Variants in FAM135B observed in about 807,000 individuals in gnomAD.
The protein encoded by FAM135B is family with sequence similarity 135 member B, also known as protein FAM135B.
FAM135B carries 43 observed loss-of-function variants against 127.7 expected under a neutral mutation model. The ratio of observed to expected loss-of-function variants is 0.34; its 90% CI spans 0.26 to 0.43. The LOEUF (loss-of-function observed/expected upper bound fraction) is 0.43, where lower values mean the gene tolerates loss of function less well. Ranked by LOEUF, FAM135B falls within the 20% of genes least tolerant of loss-of-function variation. The probability of loss-of-function intolerance (pLI) is 1.00; values close to 1 mark genes in which losing one functional copy is unlikely to be tolerated. For synonymous variants in FAM135B, 670 were observed against 665.1 expected, an observed-to-expected ratio of 1.01 and a Z score of -0.11; for missense variants, 1,558 against 1,725.6, an observed-to-expected ratio of 0.90 and a Z score of 1.72.
chr8:138,157,706 A>G (rs1818906442), intron 12 of FAM135B, among the ~76,000 whole-genome samples: 1 of 152,200 alleles, frequency 6.6e-6, no homozygotes, highest in South Asian at 2.1e-4. Context: ...AATTGCTTCA[A>G]AGAGAATAAA....
intron 7 of FAM135B, among the ~76,000 whole-genome samples, chr8:138,239,654 T>A (rs1820575907): frequency 6.6e-6 from 1 of 152,204 alleles, no homozygotes; most frequent in African/African-American, 2.4e-5. Context: ...ACTGGGTATA[T>A]ACCCAAAGGA....
intron 2 of FAM135B, among the ~76,000 whole-genome samples, chr8:138,353,728 G>A (rs1829916319): frequency 6.6e-6 from 1 of 152,012 alleles, no homozygotes; most frequent in South Asian, 2.1e-4. Flanking sequence ...GTCTATGGAT[G>A]GCATCAAGTG....
intron 1 of FAM135B, among the ~76,000 whole-genome samples, chr8:138,404,126 G>A (rs569731254): frequency 1.7e-4 from 26 of 151,986 alleles, no homozygotes; most frequent in African/African-American, 6.3e-4. Flanking sequence ...CCACAATAAA[G>A]CAAATATCAC....
chr8:138,300,744 CTTTTTTTTTTTTT>C (rs34292545), intron 3 of FAM135B, among the ~76,000 whole-genome samples: 1 of 100,492 alleles, frequency 1.0e-5, no homozygotes, highest in Non-Finnish European at 2.0e-5. Flanking sequence ...ATTTTATCCA[CTTTTTTTTTTTTT>C]TTTTTTTTTT....
chr8:138,190,107 C>A (rs1472851085), intron 9 of FAM135B, among the ~76,000 whole-genome samples: 1 of 152,162 alleles, frequency 6.6e-6, no homozygotes, highest in Non-Finnish European at 1.5e-5. Flanking sequence ...TTCATACCTT[C>A]GTACTTTAAT....
intron 1 of FAM135B, among the ~76,000 whole-genome samples, chr8:138,485,913 C>T (rs1258156074): frequency 1.3e-5 from 2 of 151,974 alleles, no homozygotes; most frequent in African/African-American, 2.4e-5. Context: ...GAGTGTGTGG[C>T]TAAGGGGAGT....
chr8:138,436,181 C>A (rs1228410382), intron 1 of FAM135B, among the ~76,000 whole-genome samples: 1 of 152,154 alleles, frequency 6.6e-6, no homozygotes, highest in Non-Finnish European at 1.5e-5. Flanking sequence ...TTGGGAAGGG[C>A]AAACAAGCGG....
chr8:138,463,244 G>T (rs1450185731), intron 1 of FAM135B, among the ~76,000 whole-genome samples: 1 of 152,154 alleles, frequency 6.6e-6, no homozygotes, highest in Non-Finnish European at 1.5e-5. Flanking sequence ...TTCTTTCAAA[G>T]CTAATGGGGA....
At chr8:138,429,989 CTCTT>C (rs1835105613) in intron 1 of FAM135B, among the ~76,000 whole-genome samples, 1 of 152,152 alleles carries the variant, frequency 6.6e-6, no homozygotes, top group African/African-American at 2.4e-5. Flanking sequence ...TTATGCAAAA[CTCTT>C]TCTACTATGC....
chr8:138,394,140 A>C lies in FAM135B; in HGVS notation c.-19-26138T>G, dbSNP rs559612487. Among the ~76,000 whole-genome samples, 16 of 152,326 alleles carry C rather than the reference A, an allele frequency of 1.1e-4. No homozygotes were observed. The East Asian group carries it at 3.1e-3, about 29-fold the overall frequency. On this transcript the variant is annotated intron_variant, in intron 1 of 19. Coordinates refer to ENST00000395297, the MANE Select transcript of FAM135B (RefSeq NM_015912.4). ...CCTGGTCTATTTCTCAGAAGAAGACAGATCACTAATTTCCTAGGGGACATA... is the reference window on the plus strand; with the variant it reads ...CCTGGTCTATTTCTCAGAAGAAGACCGATCACTAATTTCCTAGGGGACATA...
At chr8:138,162,813 T>C (rs1819525896) in intron 12 of FAM135B, among the ~76,000 whole-genome samples, 1 of 152,108 alleles carries the variant, frequency 6.6e-6, no homozygotes, top group Non-Finnish European at 1.5e-5. Flanking sequence ...ATGGGGTGTA[T>C]GACGTCAGAC....
intron 1 of FAM135B, among the ~76,000 whole-genome samples, chr8:138,371,953 C>T (rs951510587): frequency 1.3e-5 from 2 of 152,174 alleles, no homozygotes; most frequent in Non-Finnish European, 2.9e-5. Context: ...TGCTTACGAG[C>T]AGACCTTGCC....
At chr8:138,270,505 G>T (rs1342212440) in intron 3 of FAM135B, among the ~76,000 whole-genome samples, 1 of 152,214 alleles carries the variant, frequency 6.6e-6, no homozygotes, top group Non-Finnish European at 1.5e-5. Flanking sequence ...GCTGTCAAGA[G>T]CAATATCTTG....
intron 16 of FAM135B, among the ~76,000 whole-genome samples, chr8:138,142,051 T>A (rs531029086): frequency 1.6e-4 from 24 of 152,310 alleles, no homozygotes; most frequent in Middle Eastern, 3.4e-3. Flanking sequence ...TTCTTTTTTT[T>A]AAAAATCTAA....
intron 19 of FAM135B, among the ~76,000 whole-genome samples, chr8:138,134,860 A>T (rs1180192034): frequency 6.6e-6 from 1 of 152,216 alleles, no homozygotes; most frequent in Non-Finnish European, 1.5e-5. Context: ...CAGGAAGATT[A>T]ATCAATTTAA....
At chr8:138,325,657 T>C (rs1252022207) in intron 2 of FAM135B, among the ~76,000 whole-genome samples, 2 of 152,188 alleles carry the variant, frequency 1.3e-5, no homozygotes, top group Admixed American at 1.3e-4. Flanking sequence ...ATAAAATGTA[T>C]GCCTTTTGTA....
intron 1 of FAM135B, among the ~76,000 whole-genome samples, chr8:138,415,952 C>A (rs1157115532): frequency 6.6e-6 from 1 of 152,152 alleles, no homozygotes; most frequent in Admixed American, 6.5e-5. Context: ...CCTCTCTGTT[C>A]TTCCCTCAAT....
At chr8:138,206,660 GCATCCCCTCCACCTACCCATAACTCTAT>G (rs1817681901) in intron 7 of FAM135B, among the ~76,000 whole-genome samples, 7 of 34,334 alleles carry the variant, frequency 2.0e-4, no homozygotes, top group East Asian at 8.6e-4. Flanking sequence ...CAGAACTCCA[GCATCCCCTCCACCTACCCATAACTCTAT>G]CATCCCCTCC....
rs1040026072 is a variant in FAM135B, at chr8:138,183,637, T to C, written c.874-4947A>G. On this transcript the variant is annotated intron_variant, in intron 9 of 19. Coordinates refer to ENST00000395297, the MANE Select transcript of FAM135B (RefSeq NM_015912.4). ...TACCCCCTTCATTGAGAATTTATTT[T>C]TCCTTCCGATGTTCAAGGATTTTTA... Among the ~76,000 whole-genome samples, 11 of 152,240 alleles carry C rather than the reference T, an allele frequency of 7.2e-5. 1 individual carries two copies. Among genetic ancestry groups the C allele is most frequent in the Admixed American group, 3.3e-4 (5 of 15,284 alleles).
Sources: allele counts gnomAD v4.1 joint callset (sites outside exome capture counted in the v4.1 genomes callset), GRCh38; gene constraint gnomAD v4.1.1; transcripts MANE v1.5; gene names NCBI Gene and HGNC (gene_info 2026-07-23, HGNC 2026-07-21).